MERTK: variants seen among roughly 807,000 people sequenced by gnomAD.
The protein encoded by MERTK is tyrosine-protein kinase Mer.
In MERTK, 69 loss-of-function variants were observed where a neutral mutation model predicts 99.3. That is an observed-to-expected ratio of 0.70 (90% CI 0.57 to 0.85). The LOEUF is 0.85. MERTK is among the 40% of genes least tolerant of loss of function. The pLI is 0.00. For synonymous variants in MERTK, 426 were observed against 467.6 expected (o/e 0.91, Z 1.15); for missense variants, 1,125 against 1,249.4 (o/e 0.90, Z 1.50).
At chr2:112,017,410 T>G (rs1478593061) in intron 15 of MERTK, among the ~76,000 whole-genome samples, 1 of 152,078 alleles carries the variant, frequency 6.6e-6, no homozygotes, top group East Asian at 1.9e-4. Context: ...CCAGCTGGCT[T>G]CACCTTTCAA....
chr2:111,997,552 T>C, intron 10 of MERTK, 76 bp downstream of exon 10: 2 of 1,536,654 alleles, frequency 1.3e-6, no homozygotes, highest in Non-Finnish European at 1.8e-6. Context: ...GCCTTTCCTG[T>C]TGGGCCAGCT....
chr2:111,934,654 G>C (rs1212555888), intron 2 of MERTK, among the ~76,000 whole-genome samples: 2 of 151,894 alleles, frequency 1.3e-5, no homozygotes, highest in African/African-American at 4.8e-5. Flanking sequence ...AAATTTTCTC[G>C]CATTCTGTAG....
At chr2:111,899,057 C>G (rs1422016493) in intron 1 of MERTK, among the ~76,000 whole-genome samples, 1 of 152,192 alleles carries the variant, frequency 6.6e-6, no homozygotes, top group Non-Finnish European at 1.5e-5. Flanking sequence ...GTCGGCGTTG[C>G]AGGCTCCCCT....
chr2:111,964,094 A>G (rs942740023), intron 4 of MERTK, among the ~76,000 whole-genome samples: 6 of 128,090 alleles, frequency 4.7e-5, no homozygotes, highest in African/African-American at 1.8e-4. Flanking sequence ...GAGTCACTGT[A>G]TGCAGCCCAT....
chr2:111,984,267 A>T (rs1411434330), intron 8 of MERTK, among the ~76,000 whole-genome samples: 2 of 152,164 alleles, frequency 1.3e-5, no homozygotes, highest in Non-Finnish European at 2.9e-5. Context: ...CACACTGAAG[A>T]GGGCAGTCTG....
chr2:111,941,560 G>T (rs144332301), intron 2 of MERTK, among the ~76,000 whole-genome samples: 2 of 152,110 alleles, frequency 1.3e-5, no homozygotes, highest in Admixed American at 1.3e-4. Context: ...AGCCTTTCTG[G>T]TTGAGCCTCC....
chr2:112,011,685 A>T (rs1374217000), intron 15 of MERTK, among the ~76,000 whole-genome samples: 3 of 152,232 alleles, frequency 2.0e-5, no homozygotes, highest in Admixed American at 6.5e-5. Flanking sequence ...AGGAAGGCTG[A>T]GGTTGCAGTG....
intron 1 of MERTK, among the ~76,000 whole-genome samples, chr2:111,912,171 T>G (rs1684262918): frequency 6.7e-6 from 1 of 149,074 alleles, no homozygotes. Context: ...CCCAGCTAAT[T>G]TTTTTTTTTG....
At chr2:111,926,595 C>T (rs61700153) in intron 1 of MERTK, among the ~76,000 whole-genome samples, 7 of 152,224 alleles carry the variant, frequency 4.6e-5, no homozygotes, top group East Asian at 3.9e-4. Context: ...GGCATGGTGG[C>T]GCGCACCTGT....
Position 112,010,072 on chromosome 2 carries a change from G to T in MERTK, c.2079+6G>T. ...GATTGGAGACAGGACCAAAGGTAAT[G>T]ATCTCCTTGTGTTACCCCTGAACAC... On this transcript the variant is annotated splice_donor_region_variant and intron_variant, in intron 15 of 18. Coordinates refer to ENST00000295408, the MANE Select transcript of MERTK (RefSeq NM_006343.3). 1 of 1,578,182 alleles carries T rather than the reference G, an allele frequency of 6.3e-7. No individual in the cohort carries two copies. Among genetic ancestry groups the T allele is most frequent in the South Asian group, 1.1e-5 (1 of 90,278 alleles).
chr2:112,011,843 T>G (rs1428722689), intron 15 of MERTK, among the ~76,000 whole-genome samples: 1 of 152,212 alleles, frequency 6.6e-6, no homozygotes, highest in Non-Finnish European at 1.5e-5. Context: ...CTGGGGACAC[T>G]GGAGGGAACA....
intron 1 of MERTK, among the ~76,000 whole-genome samples, chr2:111,907,283 G>A (rs1238187170): frequency 6.6e-6 from 1 of 152,106 alleles, no homozygotes; most frequent in Admixed American, 6.5e-5. Flanking sequence ...GCGTGGTGGC[G>A]CATGCCTGTA....
At chr2:111,956,191 G>A (rs558506418) in intron 4 of MERTK, among the ~76,000 whole-genome samples, 1 of 152,086 alleles carries the variant, frequency 6.6e-6, no homozygotes, top group African/African-American at 2.4e-5. Flanking sequence ...ATGTATCCCT[G>A]GGCAAGTTAC....
chr2:111,964,143 G>T (rs1183580974), intron 4 of MERTK, among the ~76,000 whole-genome samples: 1 of 149,032 alleles, frequency 6.7e-6, no homozygotes, highest in East Asian at 2.0e-4. Flanking sequence ...TTTGAGGGCA[G>T]AATATCCAAT....
intron 6 of MERTK, among the ~76,000 whole-genome samples, chr2:111,968,966 G>A (rs777483671): frequency 3.3e-5 from 5 of 152,200 alleles, no homozygotes; most frequent in East Asian, 3.8e-4. Flanking sequence ...AAGATAGGTC[G>A]TCTGTGCTAC....
chr2:112,009,848 T>C lies in MERTK; in HGVS notation c.1961-100T>C. 9 of 905,500 alleles carry C rather than the reference T, an allele frequency of 9.9e-6. No homozygotes were observed. The South Asian group carries it at 1.2e-4, about 12-fold the overall frequency. 56.1% of individuals were successfully genotyped at this position (905,500 alleles called of 1,614,324 possible). A position where few individuals can be genotyped will look rare whatever the true frequency, so the allele number is the denominator to read the frequency against. On this transcript the variant is annotated intron_variant, in intron 14 of 18. Coordinates refer to ENST00000295408, the MANE Select transcript of MERTK (RefSeq NM_006343.3). ...CTCTTGATTTTTTCAAACTGTTAACTTGGTAACACACGGCTTCAGTTTTTC... is the reference window on the plus strand; with the variant it reads ...CTCTTGATTTTTTCAAACTGTTAACCTGGTAACACACGGCTTCAGTTTTTC...
chr2:112,019,342 C>CG lies in MERTK; in HGVS notation c.2080-71_2080-70insG, dbSNP rs752488760. 112 of 1,107,774 alleles carry CG rather than the reference C, an allele frequency of 1.0e-4. 1 individual carries two copies. The highest frequency in any genetic ancestry group is 3.7e-4 in the South Asian group (30 of 80,686). The allele number at this position is 1,107,774 out of a possible 1,614,324, so 68.6% of individuals were successfully genotyped here. A position where few individuals can be genotyped will look rare whatever the true frequency, so the allele number is the denominator to read the frequency against. On this transcript the variant is annotated intron_variant, in intron 15 of 18. Coordinates refer to ENST00000295408, the MANE Select transcript of MERTK (RefSeq NM_006343.3). Reference sequence around the variant, plus strand: ...AATAAATTAAAGCATCCTTTCCCCCCCCGGCAGAAACTGCTTGCAAGTTTT... The same window carrying CG: ...AATAAATTAAAGCATCCTTTCCCCCCGCCGGCAGAAACTGCTTGCAAGTTTT...
chr2:111,996,947 T>C, intron 9 of MERTK: 1 of 273,666 alleles, frequency 3.7e-6, no homozygotes, highest in South Asian at 4.0e-5. Flanking sequence ...TTCTAACATT[T>C]TAAACTACAG....
At chr2:111,959,841 G>GATA (rs1685211732) in intron 4 of MERTK, among the ~76,000 whole-genome samples, 1 of 152,124 alleles carries the variant, frequency 6.6e-6, no homozygotes, top group Non-Finnish European at 1.5e-5. Flanking sequence ...CAGAGTTCTT[G>GATA]TTTATGTGGG....
Sources: gnomAD v4.1 joint callset for allele counts (sites outside exome capture counted in the v4.1 genomes callset) on GRCh38, gnomAD v4.1.1 for gene constraint, MANE v1.5 for transcripts, NCBI Gene and HGNC (gene_info 2026-07-23, HGNC 2026-07-21) for gene names.